Variants in STX18 observed in about 807,000 individuals in gnomAD.
STX18 encodes the protein syntaxin 18.
In STX18, 40 loss-of-function variants were observed where a neutral mutation model predicts 50.1. The observed-to-expected ratio is 0.80, with a 90% CI of 0.62 to 1.04. The LOEUF (loss-of-function observed/expected upper bound fraction) is 1.04, where lower values mean the gene tolerates loss of function less well. Among genes scored for constraint, STX18 ranks in the 50% least tolerant of loss-of-function variants. The pLI, the probability that STX18 is intolerant of heterozygous loss-of-function variation, is 0.00. For missense variants in STX18, 410 were observed against 415.8 expected (o/e 0.99, Z 0.12); for synonymous variants, 158 against 151.8 (o/e 1.04, Z -0.30).
In STX18 at chr4:4,420,409, G is replaced by C. The variant is rs545897830; in HGVS notation, c.913-280C>G. On this transcript the variant is annotated intron_variant, in intron 10 of 10. Coordinates refer to ENST00000306200, the MANE Select transcript of STX18 (RefSeq NM_016930.4). This position sits in a 1 kb window ranked among gnomAD's most constrained non-coding sequence, Gnocchi z 4.3. ...GTCCCAGGGTTAAGGGCCCCGAGCAGAGTGTGACCGCAAGCTTTGTGTTTC... is the reference window on the plus strand; with the variant it reads ...GTCCCAGGGTTAAGGGCCCCGAGCACAGTGTGACCGCAAGCTTTGTGTTTC... The C allele has an allele frequency of 8.2e-5, 37 of 450,756 alleles. No homozygotes were observed. Among genetic ancestry groups the C allele is most frequent in the Non-Finnish European group, 1.4e-4 (35 of 247,538 alleles). 27.9% of individuals were successfully genotyped at this position (450,756 alleles called of 1,614,324 possible). A position where few individuals can be genotyped will look rare whatever the true frequency, so the allele number is the denominator to read the frequency against.
At chr4:4,467,219 T>C (rs1022721212) in intron 2 of STX18, among the ~76,000 whole-genome samples, 2 of 152,198 alleles carry the variant, frequency 1.3e-5, no homozygotes, top group Admixed American at 6.5e-5. Context: ...GGCTAATTTG[T>C]TGGTTTTACA....
In STX18 at chr4:4,419,950, C is replaced by T. The variant is rs1724839318; in HGVS notation, c.*84G>A. The T allele has an allele frequency of 4.3e-6, 5 of 1,159,818 alleles. No homozygotes were observed. The South Asian group carries it at 6.7e-5, about 16-fold the overall frequency. The allele number at this position is 1,159,818 out of a possible 1,614,324, so 71.8% of individuals were successfully genotyped here. On this transcript the variant is annotated 3_prime_UTR_variant, in exon 11 of 11. Coordinates refer to ENST00000306200, the MANE Select transcript of STX18 (RefSeq NM_016930.4). The stretch of plus-strand genomic sequence containing the variant: ...GCACTGTGATAAAATCTGGTCATAC[C>T]ATGCTCCAGCACTGGAAGTACATGA...
intron 7 of STX18, among the ~76,000 whole-genome samples, chr4:4,433,319 AAAC>A (rs1725610420): frequency 6.6e-6 from 1 of 152,182 alleles, no homozygotes; most frequent in South Asian, 2.1e-4. Context: ...TTACCATTGA[AAAC>A]AACCTATAGC....
intron 5 of STX18, among the ~76,000 whole-genome samples, chr4:4,439,079 T>C (rs1027857998): frequency 1.3e-5 from 2 of 148,436 alleles, no homozygotes; most frequent in Admixed American, 6.7e-5. Flanking sequence ...CACACACATA[T>C]ATACCACCAC....
intron 1 of STX18, among the ~76,000 whole-genome samples, chr4:4,512,427 A>G (rs1730047979): frequency 6.6e-6 from 1 of 152,152 alleles, no homozygotes. Flanking sequence ...AGAAGATACT[A>G]TGGAAACACA....
chr4:4,510,146 T>A (rs1179172836), intron 1 of STX18, among the ~76,000 whole-genome samples: 1 of 152,172 alleles, frequency 6.6e-6, no homozygotes, highest in Non-Finnish European at 1.5e-5. Flanking sequence ...TTATAATGGG[T>A]GCCTACTATG....
intron 1 of STX18, among the ~76,000 whole-genome samples, chr4:4,472,028 T>C (rs1261962389): frequency 6.6e-6 from 1 of 152,250 alleles, no homozygotes; most frequent in Non-Finnish European, 1.5e-5. Context: ...ATTCCTTTTC[T>C]TTTCTTATAG....
At chr4:4,429,917 A>C (rs1223440600) in intron 7 of STX18, among the ~76,000 whole-genome samples, 1 of 152,250 alleles carries the variant, frequency 6.6e-6, no homozygotes, top group Non-Finnish European at 1.5e-5. Flanking sequence ...AACAGAAGCC[A>C]CATTCATGTT....
chr4:4,491,690 T>G (rs1728948869), intron 1 of STX18, among the ~76,000 whole-genome samples: 1 of 152,140 alleles, frequency 6.6e-6, no homozygotes, highest in South Asian at 2.1e-4. Flanking sequence ...GGTTGTCTTG[T>G]GATATCGTTG....
At chr4:4,494,408 T>C (rs951665070) in intron 1 of STX18, among the ~76,000 whole-genome samples, 2 of 152,176 alleles carry the variant, frequency 1.3e-5, no homozygotes, top group African/African-American at 2.4e-5. Context: ...TTTCAAGTGA[T>C]TTTTCATATC....
chr4:4,542,338 A>G (rs61732754), upstream of STX18: 1 of 185,096 alleles, frequency 5.4e-6, no homozygotes, highest in Non-Finnish European at 1.1e-5. Context: ...CGGCTCCCTC[A>G]CTGAGACCGG....
At position 4,422,842 on chromosome 4, in the gene STX18, T is replaced by C. The variant is rs182083232; in HGVS notation, c.831+676A>G. ...TGTGAGTGAAGTATCTTAAGTCAAG[T>C]AGTCCAGTTTAAAATACTGGAGAAA... On this transcript the variant is annotated intron_variant, in intron 9 of 10. Transcript: ENST00000306200. Among the ~76,000 whole-genome samples the C allele has an allele frequency of 4.7e-4, 72 of 152,356 alleles. 1 individual carries two copies. The East Asian group carries it at 8.5e-3, about 18-fold the overall frequency.
intron 5 of STX18, among the ~76,000 whole-genome samples, chr4:4,439,547 A>G (rs570409015): frequency 1.5e-4 from 22 of 143,028 alleles, no homozygotes; most frequent in Non-Finnish European, 2.9e-4. Flanking sequence ...CACACACAGA[A>G]ACACACACAT....
intron 1 of STX18, among the ~76,000 whole-genome samples, chr4:4,482,074 C>T (rs935177252): frequency 3.9e-5 from 6 of 152,116 alleles, no homozygotes; most frequent in Admixed American, 3.9e-4. Flanking sequence ...TAGCCTCCCT[C>T]GGGTTCCAGA....
Position 4,457,492 on chromosome 4 carries a change from C to T in STX18, c.361G>A (p.Glu121Lys). Residue 121 changes from glutamate to lysine, a missense_variant, in exon 4 of 11, where the codon GAG becomes AAG. Glu to Lys is a moderately conservative substitution (Grantham distance 56). Transcript: ENST00000306200. Reference sequence around the variant, plus strand: ...TCCTTCACTTGCTGGGAATGTATCTCCTTGTGAGCTGTAACAGAAAAAGAC... The same window carrying T: ...TCCTTCACTTGCTGGGAATGTATCTTCTTGTGAGCTGTAACAGAAAAAGAC... ...IQQLRTEAHK[E>K]IHSQQVKEHR... is the part of the protein sequence containing the mutation. The T allele has an allele frequency of 6.2e-7, 1 of 1,613,742 alleles. No homozygotes were observed. Among genetic ancestry groups the T allele is most frequent in the Non-Finnish European group, 8.5e-7 (1 of 1,179,820 alleles).
At chr4:4,437,085 C>T (rs890370712) in intron 6 of STX18, among the ~76,000 whole-genome samples, 20 of 151,816 alleles carry the variant, frequency 1.3e-4, no homozygotes, top group African/African-American at 4.6e-4. Context: ...TCAGCCTCCC[C>T]AGTAGCTGGG....
chr4:4,463,062 G>A (rs61244612), intron 2 of STX18, among the ~76,000 whole-genome samples: 3,549 of 152,320 alleles, frequency 0.023, 130 homozygotes, highest in African/African-American at 0.08. Context: ...ATGCCACTGT[G>A]TTGTTCTTTT....
intron 1 of STX18, among the ~76,000 whole-genome samples, chr4:4,535,081 C>T (rs1731269597): frequency 6.6e-6 from 1 of 152,236 alleles, no homozygotes; most frequent in African/African-American, 2.4e-5. Flanking sequence ...CACACCCATC[C>T]CTTCTACCTA....
chr4:4,541,665 C>T, intron 1 of STX18, 132 bp downstream of exon 1: 1 of 997,782 alleles, frequency 1.0e-6, no homozygotes. Context: ...TCTCTGAGGC[C>T]AACTCTTCTG....
Sources: allele counts gnomAD v4.1 joint callset (sites outside exome capture counted in the v4.1 genomes callset), GRCh38; gene constraint gnomAD v4.1.1; non-coding constraint Gnocchi (gnomAD v3.1); transcripts MANE v1.5; gene names NCBI Gene and HGNC (gene_info 2026-07-23, HGNC 2026-07-21).